The following ERICH6 variants were observed in gnomAD, a reference collection of about 807,000 sequenced individuals.
ERICH6 encodes glutamate-rich protein 6.
ERICH6 carries 71 observed loss-of-function variants against 71.0 expected under a neutral mutation model. The ratio of observed to expected loss-of-function variants is 1.00; its 90% CI spans 0.83 to 1.22. The LOEUF is 1.22. Ranked by LOEUF, ERICH6 falls within the 50% of genes most tolerant of loss-of-function variation. The pLI, the probability that ERICH6 is intolerant of heterozygous loss-of-function variation, is 0.00. For synonymous variants in ERICH6, 262 were observed against 278.4 expected, an observed-to-expected ratio of 0.94 and a Z score of 0.59; for missense variants, 808 against 797.2, an observed-to-expected ratio of 1.01 and a Z score of -0.16.
chr3:150,694,486 A>G (rs1559920358), intron 3 of ERICH6, among the ~76,000 whole-genome samples: 1 of 152,200 alleles, frequency 6.6e-6, no homozygotes, highest in Non-Finnish European at 1.5e-5. Flanking sequence ...TGTTCGTTTT[A>G]TCTTATTTAA....
chr3:150,662,823 G>A (rs556136648), intron 13 of ERICH6, among the ~76,000 whole-genome samples: 4 of 152,276 alleles, frequency 2.6e-5, no homozygotes, highest in East Asian at 3.9e-4. Flanking sequence ...AGGACGCTGC[G>A]CAGAAGCCTG....
intron 6 of ERICH6, 118 bp downstream of exon 6, chr3:150,685,624 C>T: frequency 2.3e-6 from 2 of 863,386 alleles, no homozygotes; most frequent in South Asian, 1.8e-5. Flanking sequence ...AGTAATTGAG[C>T]TCTTTGGCTT....
intron 6 of ERICH6, among the ~76,000 whole-genome samples, chr3:150,685,540 T>C (rs975028179): frequency 1.3e-5 from 2 of 152,160 alleles, no homozygotes; most frequent in African/African-American, 4.8e-5. Context: ...TTCTGTTGTT[T>C]TAAGCCACCC....
intron 3 of ERICH6, among the ~76,000 whole-genome samples, chr3:150,693,292 G>A (rs894005379): frequency 6.6e-6 from 1 of 152,134 alleles, no homozygotes; most frequent in Non-Finnish European, 1.5e-5. Flanking sequence ...TTTTATCAAG[G>A]CTTTGACTGG....
At chr3:150,679,035 C>CAAAAAAAAAAAA (rs1160094551) in intron 9 of ERICH6, among the ~76,000 whole-genome samples, 2 of 65,224 alleles carry the variant, frequency 3.1e-5, no homozygotes, top group African/African-American at 6.1e-5. Flanking sequence ...GACTCTGTCT[C>CAAAAAAAAAAAA]AAAAAAAAAA....
intron 3 of ERICH6, among the ~76,000 whole-genome samples, chr3:150,687,283 G>A (rs897129934): frequency 4.1e-4 from 63 of 152,306 alleles, no homozygotes; most frequent in African/African-American, 1.3e-3. Flanking sequence ...GAGAGATTTC[G>A]TCACTCAATC....
chr3:150,697,878 C>T (rs1444046559), intron 3 of ERICH6, among the ~76,000 whole-genome samples: 1 of 152,186 alleles, frequency 6.6e-6, no homozygotes, highest in Non-Finnish European at 1.5e-5. Flanking sequence ...GATCTCATCC[C>T]CTAAGATTCT....
chr3:150,660,282 G>A (rs547609117), intron 13 of ERICH6, 127 bp from the exon 14 acceptor site: 248 of 1,025,746 alleles, frequency 2.4e-4, no homozygotes, highest in Non-Finnish European at 3.3e-4. Context: ...TAATTCATCC[G>A]TAAGCAGGGG....
At position 150,659,950 on chromosome 3, in the gene ERICH6, G is replaced by T; in HGVS notation, c.1934C>A (p.Ser645Tyr). The change falls in exon 14 of 14, where the codon TCT becomes TAT. Residue 645 changes from serine to tyrosine, a missense_variant. This residue lies in a region of ERICH6 where 736 missense variants were observed against 712.2 expected (regional missense o/e 1.03). Transcript: ENST00000295910. ...SLKLIALCHS[S>Y]GIKQDIMKTI... ...CTTCATTATATCTTGCTTTATACCA[G>T]AACTGTGACAAAGGGCAATTAGTTT... is the stretch of plus-strand genomic sequence containing the variant. The T allele has an allele frequency of 6.2e-7, 1 of 1,613,508 alleles. No individual in the cohort carries two copies. The highest frequency in any genetic ancestry group is 8.5e-7 in the Non-Finnish European group (1 of 1,179,550).
Position 150,676,895 on chromosome 3 carries a change from C to A in ERICH6, c.1257+1514G>T, listed in dbSNP as rs993642002. 2.0e-5 allele frequency among the ~76,000 whole-genome samples: 3 copies of A among 151,924 alleles called. No individual in the cohort carries two copies. The East Asian group carries it at 5.8e-4, about 29-fold the overall frequency. ...ATGGCGCGATCTTGGCTCACTGCAA[C>A]CTCTGTCTCCCAGGTTCAAGCAATT... On this transcript the variant is annotated intron_variant, in intron 10 of 13. Coordinates refer to ENST00000295910, the MANE Select transcript of ERICH6 (RefSeq NM_152394.5).
At chr3:150,702,053 A>T in intron 2 of ERICH6, 68 bp downstream of exon 2, 1 of 1,112,320 alleles carries the variant, frequency 9.0e-7, no homozygotes, top group Non-Finnish European at 1.3e-6. Context: ...TCTACTTCCT[A>T]ACATGTTTAT....
intron 11 of ERICH6, among the ~76,000 whole-genome samples, chr3:150,672,688 T>G (rs1439124538): frequency 6.6e-6 from 1 of 151,728 alleles, no homozygotes; most frequent in Non-Finnish European, 1.5e-5. Context: ...GGAGCAGGGC[T>G]ACTCCATAGG....
chr3:150,678,188 T>C (rs569263975), intron 10 of ERICH6, among the ~76,000 whole-genome samples: 4 of 152,328 alleles, frequency 2.6e-5, no homozygotes, highest in Non-Finnish European at 5.9e-5. Flanking sequence ...TTCCAAATGT[T>C]CTCTAATATG....
chr3:150,693,942 C>T (rs1379203392), intron 3 of ERICH6, among the ~76,000 whole-genome samples: 3 of 152,134 alleles, frequency 2.0e-5, no homozygotes, highest in African/African-American at 7.2e-5. Flanking sequence ...TTTTGTAAAG[C>T]CCTGCAAACT....
chr3:150,674,166 C>T (rs1333170633), intron 10 of ERICH6, 125 bp from the exon 11 acceptor site: 13 of 705,616 alleles, frequency 1.8e-5, no homozygotes, highest in Non-Finnish European at 2.8e-5. Flanking sequence ...AAATGTTGGC[C>T]CTGCTTCAAC....
chr3:150,672,264 C>CATACATATATATATATATATATATATAT (rs770361826), intron 11 of ERICH6, among the ~76,000 whole-genome samples: 56 of 123,604 alleles, frequency 4.5e-4, no homozygotes, highest in African/African-American at 9.0e-4. Context: ...TTTATATATA[C>CATACATATATATATATATATATATATAT]ATATATATAT....
Position 150,666,985 on chromosome 3 carries a change from A to C in ERICH6, c.1530T>G (p.Tyr510Ter), listed in dbSNP as rs747841256. The C allele has an allele frequency of 6.2e-7, 1 of 1,614,156 alleles. No homozygotes were observed. Among genetic ancestry groups the C allele is most frequent in the Non-Finnish European group, 8.5e-7 (1 of 1,180,026 alleles). Residue 510 changes from tyrosine (Y) to a stop codon, truncating the protein, a stop_gained, in exon 13 of 14, where the codon TAT (tyrosine) becomes TAG (stop). Coordinates refer to ENST00000295910, the MANE Select transcript of ERICH6 (RefSeq NM_152394.5). LOFTEE classifies it high-confidence loss of function. ...WVYINILGGQ[Y>*]SDQAGNRIRA... ...TTATTCTGTTGCCGGCTTGATCTGAATATTGACCTCCCAAGATATTGATGT... is the reference window on the plus strand; with the variant it reads ...TTATTCTGTTGCCGGCTTGATCTGACTATTGACCTCCCAAGATATTGATGT...
chr3:150,680,983 A>G, intron 7 of ERICH6, 53 bp from the exon 8 acceptor site: 2 of 1,501,808 alleles, frequency 1.3e-6, no homozygotes, highest in Non-Finnish European at 1.8e-6. Flanking sequence ...GAGGAGGATT[A>G]GAGGGGATAA....
chr3:150,679,080 C>T lies in ERICH6; in HGVS notation c.1112-526G>A, dbSNP rs1199841328. On this transcript the variant is annotated intron_variant, in intron 9 of 13. Transcript: ENST00000295910. ...AAAAGACAATTTTCATTAAGTGAAA[C>T]TTTCTGGCCTTAGTTCTAGCAGAAC... Among the ~76,000 whole-genome samples the T allele has an allele frequency of 2.8e-5, 4 of 141,800 alleles. No individual in the cohort carries two copies. In the East Asian group the frequency reaches 8.1e-4, roughly 29 times the overall value. The allele number at this position is 141,800 out of a possible 152,430, so 93.0% of individuals were successfully genotyped here.
Sources: gnomAD v4.1 joint callset for allele counts (sites outside exome capture counted in the v4.1 genomes callset) on GRCh38, gnomAD v4.1.1 for gene constraint, gnomAD v4.1.1 regional missense constraint, MANE v1.5 for transcripts, NCBI Gene and HGNC (gene_info 2026-07-23, HGNC 2026-07-21) for gene names.